The following CD96 variants were observed in gnomAD, a reference collection of about 807,000 sequenced individuals.
CD96 encodes the protein CD96 molecule, also known as T-cell surface protein tactile.
Under a neutral mutation model 71.3 loss-of-function variants are expected in CD96, and 70 were observed. That is an observed-to-expected ratio of 0.98 (90% CI 0.81 to 1.20). CD96 has a LOEUF of 1.20. Ranked by LOEUF, CD96 falls within the 50% of genes most tolerant of loss-of-function variation. The pLI is 0.00. For missense variants in CD96, 742 were observed against 677.5 expected, an observed-to-expected ratio of 1.10 and a Z score of -1.06; for synonymous variants, 248 against 233.0, an observed-to-expected ratio of 1.06 and a Z score of -0.59.
downstream of CD96, among the ~76,000 whole-genome samples, chr3:111,652,740 G>A (rs1940135294): frequency 6.6e-6 from 1 of 151,850 alleles, no homozygotes. Context: ...CAAATTAGAG[G>A]GGCTCCAGTT....
At chr3:111,556,434 T>A (rs1428929182) in intron 2 of CD96, among the ~76,000 whole-genome samples, 1 of 119,554 alleles carries the variant, frequency 8.4e-6, no homozygotes, top group African/African-American at 3.3e-5. Flanking sequence ...AATTCCCACC[T>A]ATGAGTGAGA....
chr3:111,659,215 A>T (rs956585895), intron 14 of CD96, among the ~76,000 whole-genome samples: 17 of 151,984 alleles, frequency 1.1e-4, no homozygotes, highest in Non-Finnish European at 2.2e-4. Context: ...TTTACGTGGG[A>T]TCAGTTGTAA....
At chr3:111,623,259 AG>A (rs1053966174) in intron 8 of CD96, among the ~76,000 whole-genome samples, 44 of 152,130 alleles carry the variant, frequency 2.9e-4, no homozygotes, top group Admixed American at 2.7e-3. Flanking sequence ...TGGGGGAGTG[AG>A]GGGGAAGGAA....
At chr3:111,570,193 T>C (rs1472859939) in intron 3 of CD96, among the ~76,000 whole-genome samples, 1 of 152,198 alleles carries the variant, frequency 6.6e-6, no homozygotes, top group African/African-American at 2.4e-5. Context: ...AGTGGGACCC[T>C]GCTGCCTGGA....
chr3:111,621,844 A>G (rs1337299845), intron 8 of CD96, among the ~76,000 whole-genome samples: 3 of 152,198 alleles, frequency 2.0e-5, no homozygotes, highest in African/African-American at 7.2e-5. Flanking sequence ...GTACTATATA[A>G]GAGCAATTCC....
rs1474387081 is a variant in CD96, at chr3:111,545,125, A to G, written c.141A>G (p.Thr47=). The change falls in exon 2 of 14, where the codon ACA becomes ACG. Residue 47 remains threonine, a synonymous_variant. Coordinates refer to ENST00000352690, the MANE Select transcript of CD96 (RefSeq NM_005816.5). ...CTGATGTCAACCTGACCTGCCAAAC[A>G]CAGACAGTAGGCTTCTTCGTGCAGA... The part of the protein sequence containing the change: ...LGSDVNLTCQ[T]QTVGFFVQMQ... 6.2e-7 allele frequency: 1 copy of G among 1,614,210 alleles called. No individual in the cohort carries two copies. The highest frequency in any genetic ancestry group is 8.5e-7 in the Non-Finnish European group (1 of 1,180,018).
chr3:111,588,593 A>G (rs1447583001), intron 5 of CD96, among the ~76,000 whole-genome samples: 1 of 152,172 alleles, frequency 6.6e-6, no homozygotes, highest in African/African-American at 2.4e-5. Flanking sequence ...TTACTGTATT[A>G]GTCCATTTTC....
chr3:111,626,409 C>T (rs1210906743), intron 10 of CD96, among the ~76,000 whole-genome samples: 2 of 147,938 alleles, frequency 1.4e-5, no homozygotes, highest in Non-Finnish European at 3.0e-5. Flanking sequence ...AATCAGTTTA[C>T]AAAAATTAAG....
chr3:111,564,320 C>CT (rs1935600918), intron 2 of CD96, among the ~76,000 whole-genome samples: 2 of 151,392 alleles, frequency 1.3e-5, no homozygotes, highest in African/African-American at 4.8e-5. Flanking sequence ...CTTTTATCAA[C>CT]TTTTTTCTTT....
chr3:111,608,182 C>T (rs1483773898), intron 8 of CD96, among the ~76,000 whole-genome samples: 1 of 141,986 alleles, frequency 7.0e-6, no homozygotes, highest in Non-Finnish European at 1.6e-5. Flanking sequence ...TATAGATGGT[C>T]TCAGTTCCTC....
chr3:111,590,538 A>G (rs1018295154), intron 5 of CD96, among the ~76,000 whole-genome samples: 1 of 152,364 alleles, frequency 6.6e-6, no homozygotes, highest in East Asian at 1.9e-4. Flanking sequence ...TACAAGACCC[A>G]AAAGCATGAT....
chr3:111,594,182 T>A (rs759656890), intron 5 of CD96: 1 of 1,598,178 alleles, frequency 6.3e-7, no homozygotes, highest in Non-Finnish European at 8.5e-7. Context: ...CTCCTCTTCC[T>A]CGTCTTCCCG....
chr3:111,665,831 C>A (rs992627236), downstream of CD96: 2 of 152,280 alleles, frequency 1.3e-5, no homozygotes, highest in Non-Finnish European at 2.9e-5. Flanking sequence ...CAGACTCCTG[C>A]TCATCATTCC....
intron 2 of CD96, among the ~76,000 whole-genome samples, chr3:111,565,981 T>C (rs976805158): frequency 6.7e-6 from 1 of 150,310 alleles, no homozygotes. Context: ...TAAACAGAAA[T>C]ATGCCATTAA....
intron 2 of CD96, among the ~76,000 whole-genome samples, chr3:111,564,103 C>T (rs1192078038): frequency 6.6e-6 from 1 of 152,136 alleles, no homozygotes; most frequent in African/African-American, 2.4e-5. Context: ...TATGAACATG[C>T]TTAAAGTTGT....
Position 111,641,527 on chromosome 3 carries a change from T to C in CD96, c.1477+3359T>C, listed in dbSNP as rs574319011. ...TTACTAATAGACCTAAGAAATGAGA[T>C]AGACAGCAACAAAATAATAGTGGGG... is the stretch of plus-strand genomic sequence containing the variant. On this transcript the variant is annotated intron_variant, in intron 12 of 13. Transcript: ENST00000352690. 3.9e-5 allele frequency among the ~76,000 whole-genome samples: 6 copies of C among 152,006 alleles called. No individual in the cohort carries two copies. In the East Asian group the frequency reaches 9.7e-4, roughly 24 times the overall value.
intron 3 of CD96, among the ~76,000 whole-genome samples, chr3:111,575,158 A>G (rs1936167408): frequency 1.3e-5 from 2 of 152,284 alleles, no homozygotes; most frequent in East Asian, 3.9e-4. Flanking sequence ...GAGACTGTAT[A>G]TAGCAAAGTC....
At chr3:111,609,870 C>A (rs748823965) in intron 8 of CD96, among the ~76,000 whole-genome samples, 2 of 152,132 alleles carry the variant, frequency 1.3e-5, no homozygotes, top group African/African-American at 4.8e-5. Flanking sequence ...TCCAGAGGAC[C>A]TTTGGCAGTG....
rs545564242 is a variant in CD96, at chr3:111,588,016, C to T, written c.807+2638C>T. Among the ~76,000 whole-genome samples the T allele has an allele frequency of 5.3e-5, 8 of 152,310 alleles. No individual in the cohort carries two copies. In the South Asian group the frequency reaches 1.0e-3, roughly 20 times the overall value. ...TGCCCTGGAAACATTTTCCCCATTG[C>T]CTTGATGATTAACATTCAGCTCCTT... is the stretch of plus-strand genomic sequence containing the variant. On this transcript the variant is annotated intron_variant, in intron 5 of 13. Coordinates refer to ENST00000352690, the MANE Select transcript of CD96 (RefSeq NM_005816.5).
Sources: gnomAD v4.1 joint callset for allele counts (sites outside exome capture counted in the v4.1 genomes callset) on GRCh38, gnomAD v4.1.1 for gene constraint, MANE v1.5 for transcripts, NCBI Gene and HGNC (gene_info 2026-07-23, HGNC 2026-07-21) for gene names.